Variants in EDA observed in about 807,000 individuals in gnomAD.
The protein encoded by EDA is ectodysplasin-A.
In EDA, 2 loss-of-function variants were observed where a neutral mutation model predicts 23.6. The ratio of observed to expected loss-of-function variants is 0.08; its 90% confidence interval spans 0.03 to 0.27. The LOEUF is 0.27. Among genes scored for constraint, EDA ranks in the 10% least tolerant of loss-of-function variants. The pLI, the probability that EDA is intolerant of heterozygous loss-of-function variation, is 1.00. For synonymous variants in EDA, 131 were observed against 132.0 expected (o/e 0.99, Z 0.05); for missense variants, 229 against 324.2 (o/e 0.71, Z 2.26).
chrX:69,832,977 A>G (rs1373471606), intron 1 of EDA, among the ~76,000 whole-genome samples: 6 of 111,626 alleles, frequency 5.4e-5, no homozygotes, highest in South Asian at 7.5e-4. Context: ...CAATCATGTC[A>G]TCTGCAAACA....
intron 1 of EDA, among the ~76,000 whole-genome samples, chrX:69,703,342 G>C (rs2011590412): frequency 8.9e-6 from 1 of 111,948 alleles, no homozygotes; most frequent in Admixed American, 9.4e-5. Flanking sequence ...ACTAGAGGCT[G>C]AGGAGTTTCC....
intron 1 of EDA, among the ~76,000 whole-genome samples, chrX:69,905,361 C>T (rs938585348): frequency 5.4e-5 from 6 of 111,678 alleles, no homozygotes; most frequent in Admixed American, 9.6e-5. Context: ...CACTCATAGA[C>T]TTAATGTCCA....
At chrX:69,922,992 A>T (rs779524633) in intron 1 of EDA, among the ~76,000 whole-genome samples, 2 of 111,506 alleles carry the variant, frequency 1.8e-5, no homozygotes, top group Non-Finnish European at 3.8e-5. Flanking sequence ...CCCCACCTAA[A>T]CATGGAAACA....
In EDA at chrX:69,885,093, G is replaced by A. The variant is rs180881523; in HGVS notation, c.397-71934G>A. Among the ~76,000 whole-genome samples, 6 of 112,037 alleles carry A rather than the reference G, an allele frequency of 5.4e-5. No individual in the cohort carries two copies. The East Asian group carries it at 1.1e-3, about 21-fold the overall frequency. ...TTAATGATGTTAAGCATCTTTTCAC[G>A]TGCTCATTGGCCATTTGTACATCTT... On this transcript the variant is annotated intron_variant, in intron 1 of 7. Transcript: ENST00000374552.
intron 1 of EDA, among the ~76,000 whole-genome samples, chrX:69,863,729 A>T (rs1468447433): frequency 9.3e-6 from 1 of 107,616 alleles, no homozygotes; most frequent in Non-Finnish European, 1.9e-5. Flanking sequence ...ATATACATAC[A>T]TATGTGTATG....
chrX:69,616,979 C>T (rs982239066), intron 1 of EDA: 1 of 428,167 alleles, frequency 2.3e-6, no homozygotes. Context: ...AAGTTGGCGA[C>T]GCTCCCGTCG....
chrX:69,948,445 C>T (rs1475907019), intron 1 of EDA, among the ~76,000 whole-genome samples: 1 of 111,772 alleles, frequency 8.9e-6, no homozygotes, highest in East Asian at 2.8e-4. Context: ...CAATCCCTGG[C>T]ACTCACATCA....
chrX:69,789,894 CT>C (rs1168537164), intron 1 of EDA, among the ~76,000 whole-genome samples: 1 of 111,922 alleles, frequency 8.9e-6, no homozygotes, highest in East Asian at 2.8e-4. Flanking sequence ...CAGAGAGGCA[CT>C]TTGTAATTTG....
chrX:69,921,599 T>C (rs2018435201), intron 1 of EDA, among the ~76,000 whole-genome samples: 1 of 110,722 alleles, frequency 9.0e-6, no homozygotes, highest in Admixed American at 9.7e-5. Flanking sequence ...CACACCTCTG[T>C]GGGGACAACT....
At position 70,020,887 on chromosome X, in the gene EDA, C is replaced by CA. The variant is rs1157596217; in HGVS notation, c.503-2330dup. Among the ~76,000 whole-genome samples, 3 of 112,176 alleles carry CA rather than the reference C, an allele frequency of 2.7e-5. No individual in the cohort carries two copies. The East Asian group carries it at 8.4e-4, about 31-fold the overall frequency. On this transcript the variant is annotated intron_variant, in intron 2 of 7. Coordinates refer to ENST00000374552, the MANE Select transcript of EDA (RefSeq NM_001399.5). Reference sequence around the variant, plus strand: ...TATACATAGAAGACTTCTAGATGTGCATGAAATGTTAGTAGTGATTATTTG... The same window carrying CA: ...TATACATAGAAGACTTCTAGATGTGCAATGAAATGTTAGTAGTGATTATTTG...
intron 2 of EDA, among the ~76,000 whole-genome samples, chrX:69,965,297 G>A (rs1268731114): frequency 8.9e-6 from 1 of 111,870 alleles, no homozygotes; most frequent in African/African-American, 3.3e-5. Context: ...TTGTAAGGGT[G>A]TAGGATAAAG....
intron 1 of EDA, chrX:69,860,737 G>A (rs980074459): frequency 6.0e-6 from 3 of 502,136 alleles, no homozygotes; most frequent in Non-Finnish European, 1.1e-5. Flanking sequence ...TATCTTCTTG[G>A]GGTTCTCTGC....
At chrX:69,847,564 C>T (rs962697713) in intron 1 of EDA, among the ~76,000 whole-genome samples, 3 of 111,426 alleles carry the variant, frequency 2.7e-5, no homozygotes, top group Non-Finnish European at 5.6e-5. Flanking sequence ...AGCATGTAAC[C>T]GCTGAGACTG....
At chrX:69,901,577 C>T (rs965724375) in intron 1 of EDA, among the ~76,000 whole-genome samples, 1 of 111,364 alleles carries the variant, frequency 9.0e-6, no homozygotes, top group Admixed American at 9.6e-5. Context: ...TCACAGTGCT[C>T]TTATAACTAT....
chrX:69,888,978 T>TAGATAGATATATATATATATATATATA (rs1556026049), intron 1 of EDA, among the ~76,000 whole-genome samples: 2 of 16,013 alleles, frequency 1.2e-4, no homozygotes, highest in Non-Finnish European at 2.1e-4. Flanking sequence ...TGTGGGGTAG[T>TAGATAGATATATATATATATATATATA]TATATATATA....
intron 1 of EDA, among the ~76,000 whole-genome samples, chrX:69,702,009 A>G (rs775725808): frequency 9.0e-6 from 1 of 111,488 alleles, no homozygotes; most frequent in Non-Finnish European, 1.9e-5. Flanking sequence ...AGAGGATAAT[A>G]CAGAGGTCAT....
At chrX:69,688,753 G>A (rs1411554468) in intron 1 of EDA, among the ~76,000 whole-genome samples, 2 of 111,508 alleles carry the variant, frequency 1.8e-5, no homozygotes, top group East Asian at 5.6e-4. Context: ...CCAGGAGGAG[G>A]GATTGAAGAG....
At chrX:70,009,225 T>A (rs760215834) in intron 2 of EDA, among the ~76,000 whole-genome samples, 1 of 111,988 alleles carries the variant, frequency 8.9e-6, no homozygotes, top group South Asian at 3.7e-4. Flanking sequence ...AGCTTTCAAT[T>A]TCATTGATTT....
rs777790992 is a variant in EDA, at chrX:69,655,134, G to A, written c.396+38430G>A. 9.8e-5 allele frequency among the ~76,000 whole-genome samples: 11 copies of A among 111,907 alleles called. No homozygotes were observed. In the East Asian group the frequency reaches 2.3e-3, roughly 23 times the overall value. On this transcript the variant is annotated intron_variant, in intron 1 of 7. Transcript: ENST00000374552. The stretch of plus-strand genomic sequence containing the variant: ...CAATAGGCTGGGCGCGGTGGCTCAC[G>A]CCTGGAATCCCAGCACTTTGGGAGG...
Sources: gnomAD v4.1 joint callset for allele counts (sites outside exome capture counted in the v4.1 genomes callset) on GRCh38, gnomAD v4.1.1 for gene constraint, MANE v1.5 for transcripts, NCBI Gene and HGNC (gene_info 2026-07-23, HGNC 2026-07-21) for gene names.